ZZZ3: variants seen among roughly 807,000 people sequenced by gnomAD.
ZZZ3 encodes ZZ-type zinc finger-containing protein 3.
Under a neutral mutation model 95.2 loss-of-function variants are expected in ZZZ3, and 22 were observed. The observed-to-expected ratio is 0.23, with a 90% CI of 0.17 to 0.33. The LOEUF is 0.33. Among genes scored for constraint, ZZZ3 ranks in the 10% least tolerant of loss-of-function variants. ZZZ3 has a pLI of 1.00. For synonymous variants in ZZZ3, 335 were observed against 358.9 expected (o/e 0.93, Z 0.75); for missense variants, 885 against 1,066.5 (o/e 0.83, Z 2.37).
rs1222082121 is a variant in ZZZ3 at position 77,641,738 on chromosome 1, C to T, written c.-402-83G>A. 1.0e-5 allele frequency: 4 copies of T among 392,688 alleles called. No individual in the cohort carries two copies. In the East Asian group the frequency reaches 1.1e-4, roughly 11 times the overall value. 24.3% of individuals were successfully genotyped at this position (392,688 alleles called of 1,614,324 possible). On this transcript the variant is annotated intron_variant, in intron 1 of 14. Transcript: ENST00000370801. ...GAATAAAATTGGTAATATTTCCAAA[C>T]ACTTATATAGCACACTTCATTTTCT... is the stretch of plus-strand genomic sequence containing the variant.
At chr1:77,628,850 T>C (rs1472689183) in intron 5 of ZZZ3, among the ~76,000 whole-genome samples, 1 of 152,214 alleles carries the variant, frequency 6.6e-6, no homozygotes, top group African/African-American at 2.4e-5. Flanking sequence ...ATATTTAGGC[T>C]GGGCAATGCT....
intron 5 of ZZZ3, among the ~76,000 whole-genome samples, chr1:77,628,945 T>A (rs1013142213): frequency 6.6e-6 from 1 of 152,240 alleles, no homozygotes; most frequent in African/African-American, 2.4e-5. Context: ...TGACAAGGTA[T>A]GTACATATGT....
chr1:77,614,533 TTTCA>T (rs1277898652), intron 5 of ZZZ3, among the ~76,000 whole-genome samples: 1 of 152,218 alleles, frequency 6.6e-6, no homozygotes, highest in Non-Finnish European at 1.5e-5. Context: ...AAATTTTGTT[TTTCA>T]TTATTTAAAT....
intron 4 of ZZZ3, among the ~76,000 whole-genome samples, chr1:77,638,771 T>A (rs910055554): frequency 1.1e-4 from 16 of 152,196 alleles, no homozygotes; most frequent in African/African-American, 3.6e-4. Context: ...AACTGGAAAG[T>A]GTAACCAATA....
chr1:77,565,949 G>T, intron 14 of ZZZ3, 132 bp downstream of exon 14: 2 of 1,099,234 alleles, frequency 1.8e-6, no homozygotes, highest in Non-Finnish European at 2.6e-6. Flanking sequence ...AAAATTAATT[G>T]CCTAGAACAA....
chr1:77,570,972 C>T (rs182548788), intron 12 of ZZZ3, among the ~76,000 whole-genome samples: 1 of 151,756 alleles, frequency 6.6e-6, no homozygotes, highest in Admixed American at 6.6e-5. Context: ...CCTGGCCCCA[C>T]TATCCATTTC....
chr1:77,617,902 A>G (rs1666471917), intron 5 of ZZZ3, among the ~76,000 whole-genome samples: 1 of 152,096 alleles, frequency 6.6e-6, no homozygotes. Flanking sequence ...ACAAGATTGC[A>G]CCACTGCACT....
chr1:77,675,651 T>A (rs961549419), intron 1 of ZZZ3, among the ~76,000 whole-genome samples: 2 of 152,146 alleles, frequency 1.3e-5, no homozygotes, highest in Admixed American at 1.3e-4. Flanking sequence ...GTTACTTAAA[T>A]CTGGCTTTTC....
At chr1:77,588,469 A>T (rs1025683736) in intron 5 of ZZZ3, among the ~76,000 whole-genome samples, 2 of 152,078 alleles carry the variant, frequency 1.3e-5, no homozygotes, top group African/African-American at 4.8e-5. Context: ...AAAAAAATAG[A>T]CTTGTTTTAT....
intron 5 of ZZZ3, among the ~76,000 whole-genome samples, chr1:77,624,640 T>C (rs1407001014): frequency 2.0e-5 from 3 of 152,168 alleles, no homozygotes; most frequent in Non-Finnish European, 4.4e-5. Flanking sequence ...TGACTCTTCA[T>C]TTGGATCCTT....
chr1:77,643,597 A>G (rs534870344), intron 1 of ZZZ3, among the ~76,000 whole-genome samples: 2 of 152,340 alleles, frequency 1.3e-5, no homozygotes, highest in South Asian at 2.1e-4. Flanking sequence ...AAGCATTCCA[A>G]AGCAAACCCA....
chr1:77,572,045 G>A (rs1661441363), intron 12 of ZZZ3, among the ~76,000 whole-genome samples: 1 of 152,232 alleles, frequency 6.6e-6, no homozygotes, highest in Non-Finnish European at 1.5e-5. Context: ...ACTGTATACA[G>A]ATTTCGAAGC....
chr1:77,593,443 G>A lies in ZZZ3; in HGVS notation c.1506-8788C>T, dbSNP rs1255146442. On this transcript the variant is annotated intron_variant, in intron 5 of 14. Transcript: ENST00000370801. Reference sequence around the variant, plus strand: ...AATGTATTACAAATGAACAGATACAGTACGGTTCAAAAGCATGAAAAACTA... The same window carrying A: ...AATGTATTACAAATGAACAGATACAATACGGTTCAAAAGCATGAAAAACTA... Among the ~76,000 whole-genome samples, 4 of 152,224 alleles carry A rather than the reference G, an allele frequency of 2.6e-5. No homozygotes were observed. The East Asian group carries it at 7.7e-4, about 29-fold the overall frequency.
chr1:77,619,801 T>A (rs922634315), intron 5 of ZZZ3, among the ~76,000 whole-genome samples: 1 of 152,160 alleles, frequency 6.6e-6, no homozygotes, highest in Non-Finnish European at 1.5e-5. Flanking sequence ...TGAATGATGA[T>A]ATCGCATATT....
chr1:77,613,263 G>GA (rs1231189920), intron 5 of ZZZ3, among the ~76,000 whole-genome samples: 2 of 151,950 alleles, frequency 1.3e-5, no homozygotes, highest in South Asian at 2.1e-4. Flanking sequence ...TCCATTTGCA[G>GA]AAAAAATGTA....
chr1:77,672,474 T>A (rs12562875), intron 1 of ZZZ3, among the ~76,000 whole-genome samples: 1 of 152,204 alleles, frequency 6.6e-6, no homozygotes, highest in Non-Finnish European at 1.5e-5. Flanking sequence ...GAATCACTTG[T>A]AGGGTTTTTG....
At chr1:77,651,559 A>G (rs968895151) in intron 1 of ZZZ3, among the ~76,000 whole-genome samples, 1 of 152,206 alleles carries the variant, frequency 6.6e-6, no homozygotes. Context: ...AAAAAACAGA[A>G]TGGTGGTTGC....
At chr1:77,620,773 A>G (rs1029493616) in intron 5 of ZZZ3, among the ~76,000 whole-genome samples, 1 of 152,222 alleles carries the variant, frequency 6.6e-6, no homozygotes, top group African/African-American at 2.4e-5. Flanking sequence ...ACTCAAGAAT[A>G]ATCTAAGCTG....
chr1:77,669,249 T>C (rs12728967), intron 1 of ZZZ3, among the ~76,000 whole-genome samples: 35,569 of 152,042 alleles, frequency 0.23, 5,604 homozygotes, highest in Admixed American at 0.39. Flanking sequence ...ACTATAGATA[T>C]CAAGTTTCTC....
Sources: allele counts gnomAD v4.1 joint callset (sites outside exome capture counted in the v4.1 genomes callset), GRCh38; gene constraint gnomAD v4.1.1; transcripts MANE v1.5; gene names NCBI Gene and HGNC (gene_info 2026-07-23, HGNC 2026-07-21).